Variants in SLC24A2 observed in about 807,000 individuals in gnomAD.
SLC24A2 encodes solute carrier family 24 member 2, also known as sodium/potassium/calcium exchanger 2.
In SLC24A2, 36 loss-of-function variants were observed where a neutral mutation model predicts 62.0. The observed-to-expected ratio is 0.58, with a 90% confidence interval of 0.44 to 0.77. SLC24A2 has a LOEUF of 0.77. Ranked by LOEUF, SLC24A2 falls within the 30% of genes least tolerant of loss-of-function variation. The probability of loss-of-function intolerance (pLI) is 0.00; values close to 1 mark genes in which losing one functional copy is unlikely to be tolerated. For missense variants in SLC24A2, 846 were observed against 817.9 expected, an observed-to-expected ratio of 1.03 and a Z score of -0.42; for synonymous variants, 358 against 294.0, an observed-to-expected ratio of 1.22 and a Z score of -2.23.
At chr9:19,828,859 G>A in the SLC24A2 span, among the ~76,000 whole-genome samples, 1 of 152,122 alleles carries the variant, frequency 6.6e-6, no homozygotes, top group Non-Finnish European at 1.5e-5. Context: ...TCTGCTTGCT[G>A]CTCAGGCTCA....
At chr9:19,734,386 T>C (rs1390529025) in intron 2 of SLC24A2, among the ~76,000 whole-genome samples, 5 of 152,156 alleles carry the variant, frequency 3.3e-5, no homozygotes, top group Non-Finnish European at 7.3e-5. Flanking sequence ...TTTGGTTCCA[T>C]ATGAACTTTA....
chr9:19,980,990 C>A, the SLC24A2 span, among the ~76,000 whole-genome samples: 1 of 152,130 alleles, frequency 6.6e-6, no homozygotes, highest in African/African-American at 2.4e-5. Flanking sequence ...TTTTATCTCC[C>A]CAAGAGGGTA....
chr9:20,054,824 A>G, the SLC24A2 span, among the ~76,000 whole-genome samples: 1 of 152,228 alleles, frequency 6.6e-6, no homozygotes, highest in Admixed American at 6.5e-5. Context: ...ATAAGTAAAT[A>G]GATACCCAGT....
intron 2 of SLC24A2, among the ~76,000 whole-genome samples, chr9:19,637,858 C>T: frequency 6.6e-6 from 1 of 152,234 alleles, no homozygotes; most frequent in East Asian, 1.9e-4. Flanking sequence ...TGGGAGAGGA[C>T]AGGTGTGGAA....
the SLC24A2 span, among the ~76,000 whole-genome samples, chr9:20,056,567 T>G: frequency 0.019 from 2,834 of 152,320 alleles, 83 homozygotes; most frequent in African/African-American, 0.065. Context: ...ACTAGAATTT[T>G]AATTTAGCTC....
the SLC24A2 span, among the ~76,000 whole-genome samples, chr9:19,919,475 G>C: frequency 6.6e-6 from 1 of 152,104 alleles, no homozygotes; most frequent in Non-Finnish European, 1.5e-5. Context: ...ACATGGGCTT[G>C]TGGCAAAAGA....
At chr9:19,799,793 C>T in the SLC24A2 span, among the ~76,000 whole-genome samples, 8 of 152,094 alleles carry the variant, frequency 5.3e-5, no homozygotes, top group Admixed American at 3.3e-4. Context: ...TAATACGCTC[C>T]CCTCTCTCCA....
intron 2 of SLC24A2, among the ~76,000 whole-genome samples, chr9:19,782,661 T>A (rs1280153996): frequency 6.6e-6 from 1 of 152,212 alleles, no homozygotes; most frequent in East Asian, 1.9e-4. Flanking sequence ...AAATAATTTA[T>A]TCCAACTCAT....
intron 2 of SLC24A2, among the ~76,000 whole-genome samples, chr9:19,760,823 A>T (rs971232151): frequency 7.9e-5 from 12 of 151,510 alleles, no homozygotes; most frequent in Non-Finnish European, 5.9e-5. Flanking sequence ...ACGGAAAACC[A>T]AACACCACAT....
At chr9:19,545,389 G>A (rs572710243) in intron 8 of SLC24A2, among the ~76,000 whole-genome samples, 4 of 152,122 alleles carry the variant, frequency 2.6e-5, no homozygotes, top group African/African-American at 9.6e-5. Flanking sequence ...CTTTAGCTCA[G>A]AGGAGTTTGT....
At chr9:20,088,469 T>G in the SLC24A2 span, among the ~76,000 whole-genome samples, 1 of 152,162 alleles carries the variant, frequency 6.6e-6, no homozygotes, top group African/African-American at 2.4e-5. Flanking sequence ...TCCCAGATCC[T>G]ATTTCTCTTC....
At chr9:19,715,264 T>C (rs1221669543) in intron 2 of SLC24A2, among the ~76,000 whole-genome samples, 1 of 152,212 alleles carries the variant, frequency 6.6e-6, no homozygotes, top group Non-Finnish European at 1.5e-5. Context: ...TCTTGTATTT[T>C]CTTTTATAAT....
At chr9:20,305,178 G>A in the SLC24A2 span, among the ~76,000 whole-genome samples, 4 of 146,252 alleles carry the variant, frequency 2.7e-5, no homozygotes, top group African/African-American at 5.1e-5. Flanking sequence ...GCACAATCTC[G>A]TCTCCCTGCA....
At chr9:19,589,753 T>C (rs1020154528) in intron 5 of SLC24A2, among the ~76,000 whole-genome samples, 1 of 152,160 alleles carries the variant, frequency 6.6e-6, no homozygotes, top group Non-Finnish European at 1.5e-5. Context: ...CTACCTACCA[T>C]AGTCTTGGTG....
chr9:20,020,640 T>C, the SLC24A2 span, among the ~76,000 whole-genome samples: 2 of 152,124 alleles, frequency 1.3e-5, no homozygotes, highest in Admixed American at 6.5e-5. Context: ...TTGATGGGTG[T>C]AGCAAACCAC....
chr9:19,928,943 A>C, the SLC24A2 span: 1 of 152,174 alleles, frequency 6.6e-6, no homozygotes, highest in Non-Finnish European at 1.5e-5. Context: ...CTGACCTGCA[A>C]GTCTCCCTCT....
At chr9:20,192,234 G>A in the SLC24A2 span, among the ~76,000 whole-genome samples, 1 of 152,156 alleles carries the variant, frequency 6.6e-6, no homozygotes, top group Non-Finnish European at 1.5e-5. Flanking sequence ...AGGATGCAAT[G>A]AGCATGGTAG....
the SLC24A2 span, among the ~76,000 whole-genome samples, chr9:20,158,209 A>T: frequency 2.0e-5 from 3 of 151,756 alleles, no homozygotes; most frequent in African/African-American, 7.2e-5. Flanking sequence ...ACCATCTCAT[A>T]AATGAAGGAT....
chr9:19,807,619 G>C, the SLC24A2 span, among the ~76,000 whole-genome samples: 1 of 152,214 alleles, frequency 6.6e-6, no homozygotes, highest in African/African-American at 2.4e-5. Context: ...GGATATGAAA[G>C]TCTCTTTCAC....
Sources: gnomAD v4.1 joint callset for allele counts (sites outside exome capture counted in the v4.1 genomes callset) on GRCh38, gnomAD v4.1.1 for gene constraint, MANE v1.5 for transcripts, NCBI Gene and HGNC (gene_info 2026-07-23, HGNC 2026-07-21) for gene names.